Variants in TP53BP1 observed in about 807,000 individuals in gnomAD.
TP53BP1 encodes tumor protein p53 binding protein 1, also known as TP53-binding protein 1.
In TP53BP1, 61 loss-of-function variants were observed where a neutral mutation model predicts 200.8. The ratio of observed to expected loss-of-function variants is 0.30; its 90% CI spans 0.25 to 0.38. The LOEUF (loss-of-function observed/expected upper bound fraction) is 0.38, where lower values mean the gene tolerates loss of function less well. TP53BP1 is among the 10% of genes least tolerant of loss of function. The pLI is 1.00. For missense variants in TP53BP1, 2,144 were observed against 2,371.9 expected, an observed-to-expected ratio of 0.90 and a Z score of 2.00; for synonymous variants, 822 against 844.3, an observed-to-expected ratio of 0.97 and a Z score of 0.46.
At chr15:43,502,187 G>C (rs1018834152) in intron 1 of TP53BP1, among the ~76,000 whole-genome samples, 2 of 151,974 alleles carry the variant, frequency 1.3e-5, no homozygotes, top group Non-Finnish European at 2.9e-5. Context: ...GTCAAGCATG[G>C]TGGCACCAGC....
At chr15:43,470,109 C>A in intron 10 of TP53BP1, 43 bp from the exon 11 acceptor site, 1 of 1,466,028 alleles carries the variant, frequency 6.8e-7, no homozygotes, top group South Asian at 1.1e-5. Context: ...TATCACTCAT[C>A]AATATTACTC....
rs1277703157 is a variant in TP53BP1 at position 43,447,669 on chromosome 15, G to A, written c.2717-184C>T. Among the ~76,000 whole-genome samples, 11 of 151,744 alleles carry A rather than the reference G, an allele frequency of 7.2e-5. 1 individual carries two copies. Among genetic ancestry groups the A allele is most frequent in the Non-Finnish European group, 1.5e-4 (10 of 67,978 alleles). On this transcript the variant is annotated intron_variant, in intron 12 of 27. Coordinates refer to ENST00000382044, the MANE Select transcript of TP53BP1 (RefSeq NM_001141980.3). ...GCCTCCTGACTAACTCCCTTCTATC[G>A]TCTCTGCTCTCTTCACAGCCAACAA... is the stretch of plus-strand genomic sequence containing the variant.
intron 1 of TP53BP1, among the ~76,000 whole-genome samples, chr15:43,508,095 C>T (rs895213710): frequency 6.6e-6 from 1 of 152,198 alleles, no homozygotes; most frequent in African/African-American, 2.4e-5. Context: ...GGCACGGTGG[C>T]CCATGCCTGT....
In TP53BP1 at chr15:43,404,821, G is replaced by A. The variant is rs1186588951; in HGVS notation, c.*2562C>T. 3 of 481,860 alleles carry A rather than the reference G, an allele frequency of 6.2e-6. No individual in the cohort carries two copies. The highest frequency in any genetic ancestry group is 5.8e-5 in the African/African-American group (3 of 51,682). The allele number at this position is 481,860 out of a possible 1,614,324, so 29.8% of individuals were successfully genotyped here. ...TGTATTGCTATGCTGGGAGGCAGTG[G>A]GCCTTCCACTCCCAATTCTGATATG... is the stretch of plus-strand genomic sequence containing the variant. On this transcript the variant is annotated 3_prime_UTR_variant, in exon 28 of 28. Transcript: ENST00000382044.
chr15:43,443,831 A>C (rs1159702645), intron 14 of TP53BP1, among the ~76,000 whole-genome samples: 1 of 152,256 alleles, frequency 6.6e-6, no homozygotes, highest in South Asian at 2.1e-4. Flanking sequence ...TTGTTCATTT[A>C]CAATTTATAC....
At chr15:43,409,562 C>A in intron 25 of TP53BP1, 85 bp downstream of exon 25, 1 of 686,216 alleles carries the variant, frequency 1.5e-6, no homozygotes. Flanking sequence ...TCCAGGTTCC[C>A]CAACCCCTCC....
chr15:43,434,734 T>A (rs75054134), intron 16 of TP53BP1, among the ~76,000 whole-genome samples: 2 of 152,166 alleles, frequency 1.3e-5, no homozygotes, highest in East Asian at 3.8e-4. Context: ...ATGAGAGAAA[T>A]AAATTCTTTT....
chr15:43,426,778 C>T (rs552823715), intron 18 of TP53BP1, among the ~76,000 whole-genome samples: 8 of 151,082 alleles, frequency 5.3e-5, no homozygotes, highest in Admixed American at 2.0e-4. Flanking sequence ...TTTGGGAGGC[C>T]GAGGCCTGAG....
chr15:43,471,001 T>C (rs1028333113), intron 10 of TP53BP1, among the ~76,000 whole-genome samples: 3 of 152,216 alleles, frequency 2.0e-5, no homozygotes, highest in African/African-American at 7.2e-5. Flanking sequence ...ACCATAGCTG[T>C]GCTAAGTATT....
intron 11 of TP53BP1, among the ~76,000 whole-genome samples, chr15:43,465,684 G>A (rs541781492): frequency 6.6e-6 from 1 of 152,296 alleles, no homozygotes; most frequent in East Asian, 1.9e-4. Context: ...TATCCCAAAG[G>A]TCTGGAAATT....
At position 43,479,520 on chromosome 15, in the gene TP53BP1, T is replaced by C; in HGVS notation, c.665A>G (p.Lys222Arg). The change falls in exon 7 of 28, where the codon AAG (lysine) becomes AGG (arginine). Residue 222 changes from lysine (K) to arginine (R), a missense_variant. Lys to Arg is a conservative substitution (Grantham distance 26, BLOSUM62 2). Coordinates refer to ENST00000382044, the MANE Select transcript of TP53BP1 (RefSeq NM_001141980.3). ...LSDVDANTAI[K>R]HEEQSNEDIP... ...ATCTTCGTTGGACTGTTCTTCATGC[T>C]TAATTGCTGAGAGTTTTATAAAATG... 1.9e-6 allele frequency: 3 copies of C among 1,608,190 alleles called. No homozygotes were observed. Among genetic ancestry groups the C allele is most frequent in the South Asian group, 2.2e-5 (2 of 89,570 alleles).
Position 43,406,608 on chromosome 15 carries a change from C to G in TP53BP1, c.*775G>C. 1 of 455,916 alleles carries G rather than the reference C, an allele frequency of 2.2e-6. No homozygotes were observed. The highest frequency in any genetic ancestry group is 1.5e-5 in the South Asian group (1 of 64,548). 28.2% of individuals were successfully genotyped at this position (455,916 alleles called of 1,614,324 possible). ...CTCTTTGACCCTTTACAGAAAAAAACCTTGTTGACCCCTGCTTTAGAGAAT... is the reference window on the plus strand; with the variant it reads ...CTCTTTGACCCTTTACAGAAAAAAAGCTTGTTGACCCCTGCTTTAGAGAAT... On this transcript the variant is annotated 3_prime_UTR_variant, in exon 28 of 28. Coordinates refer to ENST00000382044, the MANE Select transcript of TP53BP1 (RefSeq NM_001141980.3).
chr15:43,414,724 T>G (rs2045219568), intron 23 of TP53BP1, among the ~76,000 whole-genome samples: 1 of 151,942 alleles, frequency 6.6e-6, no homozygotes, highest in South Asian at 2.1e-4. Context: ...TTTTTTTTTT[T>G]TGATGGAGTC....
Position 43,403,514 on chromosome 15 carries a change from T to A in TP53BP1, c.*3869A>T. On this transcript the variant is annotated 3_prime_UTR_variant, in exon 28 of 28. Transcript: ENST00000382044. ...AAGGATGCATTTGTTTTACGCATTT[T>A]GTGCGTCTGAGGGGCTGGCAGGCCT... The A allele has an allele frequency of 1.7e-6, 1 of 580,278 alleles. No individual in the cohort carries two copies. Among genetic ancestry groups the A allele is most frequent in the Admixed American group, 3.1e-5 (1 of 32,276 alleles). The allele number at this position is 580,278 out of a possible 1,614,324, so 35.9% of individuals were successfully genotyped here. A position where few individuals can be genotyped will look rare whatever the true frequency, so the allele number is the denominator to read the frequency against.
rs190099935 is a variant in TP53BP1, at chr15:43,461,201, A to T, written c.1390-3983T>A. Among the ~76,000 whole-genome samples the T allele has an allele frequency of 4.0e-5, 6 of 150,432 alleles. No homozygotes were observed. In the East Asian group the frequency reaches 1.2e-3, roughly 29 times the overall value. On this transcript the variant is annotated intron_variant, in intron 11 of 27. Coordinates refer to ENST00000382044, the MANE Select transcript of TP53BP1 (RefSeq NM_001141980.3). ...ATAGGAAACAATATGAAATACCTTAAATGGTTACAAATAGGAATTTTATTT... is the reference window on the plus strand; with the variant it reads ...ATAGGAAACAATATGAAATACCTTATATGGTTACAAATAGGAATTTTATTT...
rs751910815 is a variant in TP53BP1, at chr15:43,416,433, A to G, written c.4682-17T>C. On this transcript the variant is annotated splice_polypyrimidine_tract_variant and intron_variant, in intron 21 of 27. Transcript: ENST00000382044. Reference sequence around the variant, plus strand: ...TCACCACTCCTGGGGGGTGGAAAGCATAAAAGAAGCTTGCTGTTGTCTTAG... The same window carrying G: ...TCACCACTCCTGGGGGGTGGAAAGCGTAAAAGAAGCTTGCTGTTGTCTTAG... 3.7e-6 allele frequency: 6 copies of G among 1,611,404 alleles called. No individual in the cohort carries two copies. Among genetic ancestry groups the G allele is most frequent in the Non-Finnish European group, 4.2e-6 (5 of 1,178,586 alleles).
chr15:43,405,326 G>A lies in TP53BP1; in HGVS notation c.*2057C>T, dbSNP rs1003897749. On this transcript the variant is annotated 3_prime_UTR_variant, in exon 28 of 28. Coordinates refer to ENST00000382044, the MANE Select transcript of TP53BP1 (RefSeq NM_001141980.3). Reference sequence around the variant, plus strand: ...AATAAATATCTGCGGCTTAGTGATAGGACTCTACCTTTTCTCCTAGAAGCA... The same window carrying A: ...AATAAATATCTGCGGCTTAGTGATAAGACTCTACCTTTTCTCCTAGAAGCA... 4.9e-6 allele frequency: 6 copies of A among 1,230,558 alleles called. No homozygotes were observed. The Admixed American group carries it at 7.6e-5, about 16-fold the overall frequency. The allele number at this position is 1,230,558 out of a possible 1,614,324, so 76.2% of individuals were successfully genotyped here.
rs2046315308 is a variant in TP53BP1, at chr15:43,457,054, G to C, written c.1554C>G (p.Cys518Trp). 3.1e-6 allele frequency: 5 copies of C among 1,614,034 alleles called. No homozygotes were observed. Among genetic ancestry groups the C allele is most frequent in the Non-Finnish European group, 2.5e-6 (3 of 1,180,030 alleles). ...ATTCACTTGTAGAAAGCATCAACTT[G>C]CAAGAATCCCCTGTCAAAGATAGCC... ...DLGLSLTGDS[C>W]KLMLSTSEYS... The change falls in exon 12 of 28, where the codon TGC becomes TGG. Residue 518 changes from cysteine to tryptophan, a missense_variant. Transcript: ENST00000382044.
In TP53BP1 at chr15:43,477,672, A is replaced by G; in HGVS notation, c.876T>C (p.Ser292=). The G allele has an allele frequency of 3.7e-6, 6 of 1,613,942 alleles. No individual in the cohort carries two copies. Among genetic ancestry groups the G allele is most frequent in the Non-Finnish European group, 5.1e-6 (6 of 1,179,924 alleles). Residue 292 remains serine (S), a synonymous_variant, in exon 8 of 28, where the codon AGT becomes AGC. Coordinates refer to ENST00000382044, the MANE Select transcript of TP53BP1 (RefSeq NM_001141980.3). ...CTGGTGACTTCTGAATCTGCAGTCC[A>G]CTTTCCATAAGTTCTTGTGCAGACA... ...EQLSAQELME[S]GLQIQKSPEP...
Sources: gnomAD v4.1 joint callset for allele counts (sites outside exome capture counted in the v4.1 genomes callset) on GRCh38, gnomAD v4.1.1 for gene constraint, MANE v1.5 for transcripts, NCBI Gene and HGNC (gene_info 2026-07-23, HGNC 2026-07-21) for gene names.